The following LSAMP variants were observed in gnomAD, a reference collection of about 807,000 sequenced individuals.
LSAMP encodes the protein limbic system-associated membrane protein.
A neutral mutation model predicts 38.6 loss-of-function variants in LSAMP; 7 were observed. The ratio of observed to expected loss-of-function variants is 0.18; its 90% CI spans 0.10 to 0.34. The LOEUF (loss-of-function observed/expected upper bound fraction) is 0.34, where lower values mean the gene tolerates loss of function less well. Among genes scored for constraint, LSAMP ranks in the 10% least tolerant of loss-of-function variants. The probability of loss-of-function intolerance (pLI) is 1.00; values close to 1 mark genes in which losing one functional copy is unlikely to be tolerated. For missense variants in LSAMP, 313 were observed against 420.0 expected, an observed-to-expected ratio of 0.75 and a Z score of 2.23; for synonymous variants, 154 against 166.8, an observed-to-expected ratio of 0.92 and a Z score of 0.59.
intron 6 of LSAMP, among the ~76,000 whole-genome samples, chr3:115,826,305 C>A (rs1370028049): frequency 6.6e-6 from 1 of 151,688 alleles, no homozygotes; most frequent in Admixed American, 6.6e-5. Flanking sequence ...TTAGTAGAGA[C>A]GGGGTTTCAC....
At chr3:116,130,830 A>G (rs1433319038) in intron 1 of LSAMP, among the ~76,000 whole-genome samples, 2 of 152,026 alleles carry the variant, frequency 1.3e-5, no homozygotes, top group Non-Finnish European at 2.9e-5. Flanking sequence ...ATCTATATAG[A>G]TATTTTTCTT....
intron 1 of LSAMP, among the ~76,000 whole-genome samples, chr3:116,320,246 C>T (rs1454389404): frequency 6.6e-6 from 1 of 152,038 alleles, no homozygotes; most frequent in Non-Finnish European, 1.5e-5. Flanking sequence ...AACCTCGTCT[C>T]TCCTAAAAAT....
chr3:116,236,707 T>G (rs1339505400), intron 1 of LSAMP, among the ~76,000 whole-genome samples: 6 of 152,098 alleles, frequency 3.9e-5, no homozygotes, highest in Non-Finnish European at 7.4e-5. Flanking sequence ...GGCCCACAAG[T>G]TGCCTTTAGT....
At chr3:115,827,229 G>A (rs887743207) in intron 6 of LSAMP, among the ~76,000 whole-genome samples, 3 of 152,006 alleles carry the variant, frequency 2.0e-5, no homozygotes, top group Admixed American at 6.6e-5. Context: ...GGCCAAGCAA[G>A]TTTCCAACAT....
At chr3:116,257,169 C>T (rs2046762902) in intron 1 of LSAMP, among the ~76,000 whole-genome samples, 1 of 152,100 alleles carries the variant, frequency 6.6e-6, no homozygotes, top group South Asian at 2.1e-4. Flanking sequence ...TCTCTAAACT[C>T]CCTTTTAGCA....
chr3:116,419,494 C>T (rs1559861614), intron 1 of LSAMP, among the ~76,000 whole-genome samples: 3 of 152,044 alleles, frequency 2.0e-5, no homozygotes, highest in South Asian at 2.1e-4. Context: ...AAAATGAGTG[C>T]TCTGAGGTCT....
chr3:115,859,108 T>C (rs1341464577), intron 3 of LSAMP, among the ~76,000 whole-genome samples: 3 of 152,194 alleles, frequency 2.0e-5, no homozygotes, highest in Admixed American at 2.0e-4. Context: ...TCCAGATTAT[T>C]TGAGGTTTTT....
intron 1 of LSAMP, among the ~76,000 whole-genome samples, chr3:116,326,761 A>G (rs1234167328): frequency 6.6e-6 from 1 of 152,162 alleles, no homozygotes; most frequent in African/African-American, 2.4e-5. Context: ...CATGCACTGA[A>G]AGAATATTAA....
At chr3:115,994,804 AG>A (rs1440641614) in intron 3 of LSAMP, among the ~76,000 whole-genome samples, 19 of 152,078 alleles carry the variant, frequency 1.2e-4, no homozygotes, top group African/African-American at 4.6e-4. Context: ...ACTATAGTCA[AG>A]TTTAGCAGTT....
intron 1 of LSAMP, among the ~76,000 whole-genome samples, chr3:116,167,081 G>A (rs1040744725): frequency 1.6e-4 from 24 of 152,064 alleles, no homozygotes; most frequent in Non-Finnish European, 1.0e-4. Flanking sequence ...GTGAGCCGCT[G>A]CGCCTGGCCC....
At chr3:116,304,603 T>C (rs1354321737) in intron 1 of LSAMP, among the ~76,000 whole-genome samples, 1 of 151,734 alleles carries the variant, frequency 6.6e-6, no homozygotes, top group Admixed American at 6.6e-5. Context: ...GAAGACAAAA[T>C]AAAGGATTTC....
At chr3:116,269,590 TATTTC>T (rs1345274816) in intron 1 of LSAMP, among the ~76,000 whole-genome samples, 1 of 152,056 alleles carries the variant, frequency 6.6e-6, no homozygotes, top group Non-Finnish European at 1.5e-5. Flanking sequence ...ACATTGGGCT[TATTTC>T]ATTGTACAGC....
intron 3 of LSAMP, among the ~76,000 whole-genome samples, chr3:115,993,850 A>G (rs1939741721): frequency 6.6e-6 from 1 of 152,062 alleles, no homozygotes; most frequent in South Asian, 2.1e-4. Context: ...CAAAATGAGA[A>G]TGTTGATTTA....
intron 1 of LSAMP, among the ~76,000 whole-genome samples, chr3:116,403,259 T>C (rs1559855834): frequency 6.6e-6 from 1 of 152,218 alleles, no homozygotes. Flanking sequence ...CTTTTCTACG[T>C]GGCATTTGCT....
intron 1 of LSAMP, among the ~76,000 whole-genome samples, chr3:116,393,771 T>C (rs1212350433): frequency 2.6e-5 from 4 of 152,224 alleles, no homozygotes; most frequent in East Asian, 3.8e-4. Context: ...AGTAAGTCTG[T>C]AGAGATAAGG....
At chr3:116,347,917 T>G (rs911738534) in intron 1 of LSAMP, among the ~76,000 whole-genome samples, 3 of 152,026 alleles carry the variant, frequency 2.0e-5, no homozygotes, top group African/African-American at 7.2e-5. Flanking sequence ...AAAATACTAC[T>G]GCCCATCACT....
intron 1 of LSAMP, among the ~76,000 whole-genome samples, chr3:116,150,339 C>T (rs888941092): frequency 2.6e-5 from 4 of 152,016 alleles, no homozygotes; most frequent in Admixed American, 6.6e-5. Context: ...TCTCCCCTCT[C>T]ATGGATCTTA....
intron 3 of LSAMP, among the ~76,000 whole-genome samples, chr3:116,002,640 A>G (rs1261664294): frequency 2.6e-5 from 4 of 152,162 alleles, no homozygotes; most frequent in African/African-American, 7.2e-5. Flanking sequence ...TGGAGGTTAC[A>G]GCTGTGTGGA....
chr3:116,429,824 G>T (rs999088027), intron 1 of LSAMP, among the ~76,000 whole-genome samples: 5 of 152,110 alleles, frequency 3.3e-5, no homozygotes, highest in Non-Finnish European at 7.4e-5. Flanking sequence ...ACTCTTTGGG[G>T]GAGTAAAGAG....
Sources: allele counts gnomAD v4.1 joint callset (sites outside exome capture counted in the v4.1 genomes callset), GRCh38; gene constraint gnomAD v4.1.1; transcripts MANE v1.5; gene names NCBI Gene and HGNC (gene_info 2026-07-23, HGNC 2026-07-21).